The following PTPRN2 variants were observed in gnomAD, a reference collection of about 807,000 sequenced individuals.
PTPRN2 encodes receptor-type tyrosine-protein phosphatase N2.
A neutral mutation model predicts 118.8 loss-of-function variants in PTPRN2; 74 were observed. The observed-to-expected ratio is 0.62, with a 90% CI of 0.52 to 0.76. The LOEUF is 0.76. Ranked by LOEUF, PTPRN2 falls within the 30% of genes least tolerant of loss-of-function variation. The pLI is 0.00. For synonymous variants in PTPRN2, 641 were observed against 608.0 expected, an observed-to-expected ratio of 1.05 and a Z score of -0.80; for missense variants, 1,481 against 1,394.4, an observed-to-expected ratio of 1.06 and a Z score of -0.99.
intron 2 of PTPRN2, among the ~76,000 whole-genome samples, chr7:158,351,696 G>A (rs542780968): frequency 7.2e-5 from 11 of 152,198 alleles, no homozygotes; most frequent in East Asian, 5.8e-4. Flanking sequence ...GCAGGCAGCC[G>A]GGCCAGTCCA....
intron 3 of PTPRN2, among the ~76,000 whole-genome samples, chr7:158,213,193 G>T (rs1250629691): frequency 2.1e-5 from 3 of 142,416 alleles, no homozygotes; most frequent in Non-Finnish European, 4.5e-5. Flanking sequence ...TTCAAATCAG[G>T]ATGGCTCTGT....
chr7:158,251,457 G>GCA (rs1796653808), intron 3 of PTPRN2, among the ~76,000 whole-genome samples: 1 of 150,188 alleles, frequency 6.7e-6, no homozygotes, highest in Non-Finnish European at 1.5e-5. Flanking sequence ...TGGGGTGTGT[G>GCA]CAGGTGTGCA....
intron 2 of PTPRN2, among the ~76,000 whole-genome samples, chr7:158,424,728 A>C (rs1815557824): frequency 6.6e-6 from 1 of 152,178 alleles, no homozygotes; most frequent in African/African-American, 2.4e-5. Flanking sequence ...CATGTGCCGC[A>C]CCCTCGAGAA....
intron 2 of PTPRN2, among the ~76,000 whole-genome samples, chr7:158,363,902 A>G (rs1809213913): frequency 6.6e-6 from 1 of 152,104 alleles, no homozygotes; most frequent in South Asian, 2.1e-4. Context: ...TATGACAGAA[A>G]AGGGGACTTC....
intron 12 of PTPRN2, among the ~76,000 whole-genome samples, chr7:157,775,990 C>T (rs553006553): frequency 3.2e-4 from 48 of 152,042 alleles, no homozygotes; most frequent in Non-Finnish European, 3.8e-4. Context: ...GGGGGGATAG[C>T]CGCAGCCAGC....
chr7:158,262,418 T>C (rs1188694461), intron 3 of PTPRN2, among the ~76,000 whole-genome samples: 1 of 116,542 alleles, frequency 8.6e-6, no homozygotes, highest in African/African-American at 3.5e-5. Context: ...ATACATACAT[T>C]CACACACATA....
intron 11 of PTPRN2, among the ~76,000 whole-genome samples, chr7:157,966,729 CCAT>C (rs950701460): frequency 2.0e-5 from 3 of 151,770 alleles, no homozygotes; most frequent in Admixed American, 1.3e-4. Context: ...TTCATCACCA[CCAT>C]CGTCTTCATT....
intron 11 of PTPRN2, among the ~76,000 whole-genome samples, chr7:157,999,810 G>A (rs1361399820): frequency 1.3e-5 from 2 of 152,256 alleles, no homozygotes; most frequent in African/African-American, 4.8e-5. Context: ...TCGCAGCTCC[G>A]ACATACCACA....
chr7:158,040,627 A>G (rs981487377), intron 11 of PTPRN2, among the ~76,000 whole-genome samples: 2 of 152,212 alleles, frequency 1.3e-5, no homozygotes, highest in African/African-American at 4.8e-5. Context: ...TTAAAATTCT[A>G]TGTCCAGTGA....
chr7:158,238,075 G>A (rs192467517), intron 3 of PTPRN2, among the ~76,000 whole-genome samples: 1 of 152,308 alleles, frequency 6.6e-6, no homozygotes, highest in African/African-American at 2.4e-5. Flanking sequence ...CAGTGCAGCC[G>A]CGGCCTCCTG....
At chr7:158,306,848 G>GTTTTTTGTT (rs1563111863) in intron 3 of PTPRN2, among the ~76,000 whole-genome samples, 9 of 113,524 alleles carry the variant, frequency 7.9e-5, no homozygotes, top group Admixed American at 2.3e-4. Context: ...TAAATGAGCT[G>GTTTTTTGTT]TTTTTTGTTT....
intron 21 of PTPRN2, among the ~76,000 whole-genome samples, chr7:157,551,198 A>T (rs79055669): frequency 0.012 from 1,764 of 152,210 alleles, 30 homozygotes; most frequent in African/African-American, 0.04. Flanking sequence ...CACTGCACAA[A>T]CATTCGTGCT....
At chr7:158,426,034 G>A (rs749836143) in intron 2 of PTPRN2, among the ~76,000 whole-genome samples, 346 of 1,268 alleles carry the variant, frequency 0.27, 68 homozygotes, top group East Asian at 0.46. Flanking sequence ...AGCCTAGCTG[G>A]GGCCTGCGCA....
chr7:157,612,518 C>T (rs1802426620), intron 15 of PTPRN2, among the ~76,000 whole-genome samples: 1 of 152,222 alleles, frequency 6.6e-6, no homozygotes, highest in Non-Finnish European at 1.5e-5. Flanking sequence ...AGAAGAACAG[C>T]TCTGGCTTGT....
chr7:157,568,872 C>T (rs7789467), intron 21 of PTPRN2, 30 bp downstream of exon 21: 640,182 of 1,530,476 alleles, frequency 0.42, 142,239 homozygotes, highest in Non-Finnish European at 0.46. Flanking sequence ...AGCTCTGAGC[C>T]GCAACAAAGC....
intron 3 of PTPRN2, among the ~76,000 whole-genome samples, chr7:158,210,217 G>T (rs1453105312): frequency 7.1e-6 from 1 of 140,534 alleles, no homozygotes. Context: ...CTCACTGCAA[G>T]CTCCGCCTCC....
intron 12 of PTPRN2, among the ~76,000 whole-genome samples, chr7:157,860,588 C>T (rs773232329): frequency 2.0e-5 from 3 of 152,252 alleles, no homozygotes; most frequent in South Asian, 2.1e-4. Flanking sequence ...CGCGTTTCCA[C>T]GCTGGAACTA....
chr7:158,313,276 G>A (rs530552801), intron 3 of PTPRN2, among the ~76,000 whole-genome samples: 82 of 152,258 alleles, frequency 5.4e-4, no homozygotes, highest in African/African-American at 1.9e-3. Context: ...CTCCTGCCAC[G>A]GGGTCATCCC....
chr7:157,603,062 T>C lies in PTPRN2; in HGVS notation c.2418+940A>G, dbSNP rs891615684. Among the ~76,000 whole-genome samples, 1 of 152,214 alleles carries C rather than the reference T, an allele frequency of 6.6e-6. No individual in the cohort carries two copies. Among genetic ancestry groups the C allele is most frequent in the East Asian group, 1.9e-4 (1 of 5,194 alleles). ...AACCAGTGTCCGCCATAAATCTGCA[T>C]GGAGCCCCAGCCTCTCCACCACTGG... is the stretch of plus-strand genomic sequence containing the variant. On this transcript the variant is annotated intron_variant, in intron 16 of 22. Coordinates refer to ENST00000389418, the MANE Select transcript of PTPRN2 (RefSeq NM_002847.5). The surrounding 1 kb of genome is among the most constrained non-coding windows in gnomAD (Gnocchi z 5.4).
Sources: gnomAD v4.1 joint callset for allele counts (sites outside exome capture counted in the v4.1 genomes callset) on GRCh38, gnomAD v4.1.1 for gene constraint, Gnocchi (gnomAD v3.1) non-coding constraint, MANE v1.5 for transcripts, NCBI Gene and HGNC (gene_info 2026-07-23, HGNC 2026-07-21) for gene names.